Variants in COL17A1 observed in about 807,000 individuals in gnomAD.
COL17A1 encodes collagen alpha-1(XVII) chain.
A neutral mutation model predicts 218.4 loss-of-function variants in COL17A1; 181 were observed. The ratio of observed to expected loss-of-function variants is 0.83; its 90% CI spans 0.73 to 0.94. COL17A1 has a LOEUF of 0.94. COL17A1 is among the 40% of genes least tolerant of loss of function. COL17A1 has a pLI of 0.00. For missense variants in COL17A1, 1,924 were observed against 1,945.9 expected, an observed-to-expected ratio of 0.99 and a Z score of 0.21; for synonymous variants, 721 against 731.0, an observed-to-expected ratio of 0.99 and a Z score of 0.22.
Position 104,034,246 on chromosome 10 carries a change from A to G in COL17A1, c.3855T>C (p.Asp1285=). The G allele has an allele frequency of 6.2e-7, 1 of 1,610,130 alleles. No homozygotes were observed. Among genetic ancestry groups the G allele is most frequent in the South Asian group, 1.1e-5 (1 of 90,474 alleles). Residue 1285 remains aspartate (D), a synonymous_variant, in exon 52 of 56, where the codon GAT becomes GAC. Transcript: ENST00000648076. ...PPGDSRLLST[D]ASHSRGSSSS... Reference sequence around the variant, plus strand: ...AGCTGCTACCCCGACTGTGGGAGGCATCCGTGGACAGGAGGCGGCTGTCCC... The same window carrying G: ...AGCTGCTACCCCGACTGTGGGAGGCGTCCGTGGACAGGAGGCGGCTGTCCC...
intron 36 of COL17A1, 80 bp downstream of exon 36, chr10:104,042,340 A>T: frequency 6.9e-7 from 1 of 1,458,464 alleles, no homozygotes; most frequent in Non-Finnish European, 9.6e-7. Context: ...CATCTAGAAC[A>T]GAGAGGCCCA....
At chr10:104,037,981 G>A (rs2086318033) in intron 45 of COL17A1, among the ~76,000 whole-genome samples, 1 of 152,216 alleles carries the variant, frequency 6.6e-6, no homozygotes, top group African/African-American at 2.4e-5. Context: ...GCTGGGTCAA[G>A]TGGCCCATGA....
chr10:104,035,208 C>T (rs1040273768), intron 50 of COL17A1, 55 bp downstream of exon 50: 7 of 1,465,048 alleles, frequency 4.8e-6, no homozygotes, highest in Middle Eastern at 2.0e-4. Context: ...CCATGGGAGC[C>T]CCCAAGGCCC....
chr10:104,059,311 A>T (rs1564680737), intron 15 of COL17A1: 2 of 381,178 alleles, frequency 5.2e-6, no homozygotes, highest in African/African-American at 4.1e-5. Flanking sequence ...TAAAGCTAAC[A>T]ACTGCTTTGC....
chr10:104,048,505 T>G (rs998797319), intron 29 of COL17A1, among the ~76,000 whole-genome samples: 6 of 152,356 alleles, frequency 3.9e-5, no homozygotes, highest in African/African-American at 1.4e-4. Flanking sequence ...TGTCTTTCCC[T>G]GCTCGTGCTG....
chr10:104,080,618 T>C lies in COL17A1; in HGVS notation c.52+4A>G. 1 of 1,612,654 alleles carries C rather than the reference T, an allele frequency of 6.2e-7. No individual in the cohort carries two copies. Among genetic ancestry groups the C allele is most frequent in the Non-Finnish European group, 8.5e-7 (1 of 1,179,946 alleles). ...CATAAATTAAAAAATTCTGATGCTC[T>C]TACTTCTCTCAGTGACTTCAGTTCC... On this transcript the variant is annotated splice_donor_region_variant and intron_variant, in intron 2 of 55. Transcript: ENST00000648076.
At chr10:104,062,780 C>T (rs1026095280) in intron 11 of COL17A1, among the ~76,000 whole-genome samples, 2 of 152,178 alleles carry the variant, frequency 1.3e-5, no homozygotes, top group African/African-American at 4.8e-5. Flanking sequence ...GCCCTTCCTT[C>T]TCCTGACACA....
intron 12 of COL17A1, 73 bp from the exon 13 acceptor site, chr10:104,061,546 G>GC (rs2086583210): frequency 1.5e-6 from 2 of 1,315,174 alleles, no homozygotes; most frequent in Admixed American, 1.9e-5. Flanking sequence ...ATCAGCCCTG[G>GC]CAGAGAGGTA....
At chr10:104,047,908 A>G (rs1374458855) in intron 30 of COL17A1, 98 bp from the exon 31 acceptor site, 9 of 1,390,728 alleles carry the variant, frequency 6.5e-6, no homozygotes, top group Middle Eastern at 1.8e-4. Flanking sequence ...TTCCTAATTG[A>G]CTTGCTGGCA....
chr10:104,040,483 A>T, intron 39 of COL17A1, 73 bp from the exon 40 acceptor site: 1 of 958,088 alleles, frequency 1.0e-6, no homozygotes. Flanking sequence ...ACAGCACCTG[A>T]CAACATAGAT....
chr10:104,037,223 G>T, intron 46 of COL17A1, 110 bp from the exon 47 acceptor site: 1 of 918,464 alleles, frequency 1.1e-6, no homozygotes, highest in Non-Finnish European at 1.7e-6. Flanking sequence ...TTTGGGGGAA[G>T]TGGATGAATG....
intron 5 of COL17A1, 75 bp downstream of exon 5, chr10:104,076,226 T>G: frequency 8.1e-6 from 13 of 1,608,626 alleles, no homozygotes; most frequent in Non-Finnish European, 1.1e-5. Flanking sequence ...GTGGCCAGCA[T>G]GTAAATCTTC....
chr10:104,060,486 G>C (rs1347255211), intron 13 of COL17A1, among the ~76,000 whole-genome samples: 1 of 152,158 alleles, frequency 6.6e-6, no homozygotes, highest in Non-Finnish European at 1.5e-5. Flanking sequence ...GGCTGGGCCT[G>C]GCCACCAAGA....
chr10:104,055,131 G>A (rs2086507808), intron 19 of COL17A1, 124 bp from the exon 20 acceptor site: 9 of 1,537,846 alleles, frequency 5.9e-6, no homozygotes, highest in South Asian at 1.2e-5. Flanking sequence ...GACATGCGGC[G>A]AGTCCCTCCC....
intron 22 of COL17A1, 138 bp downstream of exon 22, chr10:104,053,782 C>T (rs2086493117): frequency 1.4e-6 from 1 of 704,912 alleles, no homozygotes; most frequent in Admixed American, 2.0e-5. Flanking sequence ...TCCACAACAG[C>T]AGGGTTTCTC....
At position 104,031,688 on chromosome 10, in the gene COL17A1, G is replaced by A. The variant is rs1844685116; in HGVS notation, c.*547C>T. 1 of 163,254 alleles carries A rather than the reference G, an allele frequency of 6.1e-6. No individual in the cohort carries two copies. Among genetic ancestry groups the A allele is most frequent in the African/African-American group, 2.4e-5 (1 of 41,560 alleles). 10.1% of individuals were successfully genotyped at this position (163,254 alleles called of 1,614,324 possible). ...AAACCCTATCATCACCTCCTAGAGG[G>A]GAAGTGAATTTCTTAATTTTTTTAG... On this transcript the variant is annotated 3_prime_UTR_variant, in exon 56 of 56. Coordinates refer to ENST00000648076, the MANE Select transcript of COL17A1 (RefSeq NM_000494.4).
intron 2 of COL17A1, among the ~76,000 whole-genome samples, chr10:104,078,998 C>T (rs1293400400): frequency 6.6e-6 from 1 of 152,186 alleles, no homozygotes. Context: ...GAGACCAACA[C>T]CCTAGCTGAC....
chr10:104,077,267 CAG>C (rs2086718793), intron 4 of COL17A1, among the ~76,000 whole-genome samples, 153 bp downstream of exon 4: 1 of 152,282 alleles, frequency 6.6e-6, no homozygotes, highest in African/African-American at 2.4e-5. Flanking sequence ...AGATAACTCT[CAG>C]GGGGATTTGG....
intron 48 of COL17A1, among the ~76,000 whole-genome samples, chr10:104,036,089 A>AGTATGGGAGTGTGAGTATGG (rs2086290071): frequency 4.0e-3 from 6 of 1,518 alleles, no homozygotes; most frequent in Non-Finnish European, 4.1e-3. Flanking sequence ...TGTGTATGGG[A>AGTATGGGAGTGTGAGTATGG]GTGTGTGTGT....
Sources: allele counts gnomAD v4.1 joint callset (sites outside exome capture counted in the v4.1 genomes callset), GRCh38; gene constraint gnomAD v4.1.1; transcripts MANE v1.5; gene names NCBI Gene and HGNC (gene_info 2026-07-23, HGNC 2026-07-21).